The following DIP2B variants were observed in gnomAD, a reference collection of about 807,000 sequenced individuals.
DIP2B encodes disco-interacting protein 2 homolog B.
DIP2B carries 76 observed loss-of-function variants against 198.0 expected under a neutral mutation model. The observed-to-expected ratio is 0.38, with a 90% CI of 0.32 to 0.46. The LOEUF (loss-of-function observed/expected upper bound fraction) is 0.46. DIP2B is among the 20% of genes least tolerant of loss of function. DIP2B has a pLI of 0.99. For synonymous variants in DIP2B, 701 were observed against 739.1 expected (o/e 0.95, Z 0.84); for missense variants, 1,559 against 1,978.4 (o/e 0.79, Z 4.02).
intron 3 of DIP2B, among the ~76,000 whole-genome samples, chr12:50,647,973 G>C (rs372960754): frequency 6.6e-6 from 1 of 152,192 alleles, no homozygotes; most frequent in East Asian, 1.9e-4. Context: ...AGGCGTGGTG[G>C]CGTGCGCCTG....
chr12:50,704,016 A>G, intron 19 of DIP2B, 124 bp from the exon 20 acceptor site: 1 of 704,664 alleles, frequency 1.4e-6, no homozygotes, highest in South Asian at 1.7e-5. Context: ...AAAGGGATGG[A>G]ATTACTGGAT....
At position 50,505,328 on chromosome 12, in the gene DIP2B, C is replaced by T; in HGVS notation, c.100+88C>T. 5 of 1,141,388 alleles carry T rather than the reference C, an allele frequency of 4.4e-6. No homozygotes were observed. The South Asian group carries it at 6.8e-5, about 16-fold the overall frequency. The allele number at this position is 1,141,388 out of a possible 1,614,324, so 70.7% of individuals were successfully genotyped here. A position where few individuals can be genotyped will look rare whatever the true frequency, so the allele number is the denominator to read the frequency against. On this transcript the variant is annotated intron_variant, in intron 1 of 37. Transcript: ENST00000301180. ...GGTCCCCGCCGCGCGCTCTGGCGGC[C>T]GTGCGGCGAGGGGGACGAGGGTGTA...
chr12:50,742,394 CAAAAAAAAAAA>C lies in DIP2B; in HGVS notation c.4478+873_4478+883del, dbSNP rs59566626. Among the ~76,000 whole-genome samples the C allele has an allele frequency of 1.9e-4, 9 of 47,478 alleles. No homozygotes were observed. In the South Asian group the frequency reaches 4.0e-3, roughly 21 times the overall value. The allele number at this position is 47,478 out of a possible 152,430, so 31.1% of individuals were successfully genotyped here. On this transcript the variant is annotated intron_variant, in intron 37 of 37. Transcript: ENST00000301180. ...CCCTGGTGACAGACTGAGACTGTCT[CAAAAAAAAAAA>C]AAAAAAAAAAAAAAAAACCACCTCT...
chr12:50,689,646 A>G (rs1395443380), intron 12 of DIP2B, among the ~76,000 whole-genome samples: 1 of 152,212 alleles, frequency 6.6e-6, no homozygotes, highest in Non-Finnish European at 1.5e-5. Context: ...AGTGATGGAT[A>G]TATGAGTTTC....
chr12:50,527,696 C>T (rs1958179288), intron 1 of DIP2B, among the ~76,000 whole-genome samples: 1 of 152,006 alleles, frequency 6.6e-6, no homozygotes, highest in Non-Finnish European at 1.5e-5. Flanking sequence ...GGCGAAAGAG[C>T]AAGACCACAT....
At chr12:50,551,167 T>C (rs1044101392) in intron 1 of DIP2B, among the ~76,000 whole-genome samples, 3 of 152,086 alleles carry the variant, frequency 2.0e-5, no homozygotes, top group South Asian at 4.1e-4. Context: ...CTCATGTCTG[T>C]AGTCCCAGCA....
At chr12:50,666,500 A>C (rs1314562816) in intron 4 of DIP2B, among the ~76,000 whole-genome samples, 1 of 152,212 alleles carries the variant, frequency 6.6e-6, no homozygotes, top group Admixed American at 6.5e-5. Context: ...TTTTTAAAAA[A>C]TGTATACAGG....
intron 1 of DIP2B, among the ~76,000 whole-genome samples, chr12:50,609,143 A>G (rs1287114464): frequency 6.6e-6 from 1 of 152,204 alleles, no homozygotes; most frequent in African/African-American, 2.4e-5. Context: ...AAAAAAAATA[A>G]TAAAAAAAAA....
Position 50,721,260 on chromosome 12 carries a change from C to T in DIP2B, c.3043-13C>T, listed in dbSNP as rs764464675. 151 of 1,612,376 alleles carry T rather than the reference C, an allele frequency of 9.4e-5. No individual in the cohort carries two copies. Among genetic ancestry groups the T allele is most frequent in the Non-Finnish European group, 1.3e-4 (148 of 1,179,238 alleles). On this transcript the variant is annotated splice_polypyrimidine_tract_variant and intron_variant, in intron 25 of 37. Transcript: ENST00000301180. ...CTGAGCTTTGACCCGCTTATCCTTTCTGTTGTTTAAAGGGAACCACTGTAT... is the reference window on the plus strand; with the variant it reads ...CTGAGCTTTGACCCGCTTATCCTTTTTGTTGTTTAAAGGGAACCACTGTAT...
intron 1 of DIP2B, among the ~76,000 whole-genome samples, chr12:50,557,423 A>G (rs1005992389): frequency 3.9e-5 from 6 of 152,116 alleles, no homozygotes; most frequent in South Asian, 2.1e-4. Context: ...TGATCTCTCC[A>G]CTTTGGGGCG....
chr12:50,567,748 G>A (rs1036433724), intron 1 of DIP2B, among the ~76,000 whole-genome samples: 4 of 152,138 alleles, frequency 2.6e-5, no homozygotes, highest in South Asian at 2.1e-4. Context: ...GGCTGGTCTC[G>A]AACTCCTGAC....
chr12:50,541,253 G>A (rs1364753476), intron 1 of DIP2B, among the ~76,000 whole-genome samples: 2 of 152,052 alleles, frequency 1.3e-5, no homozygotes, highest in African/African-American at 4.8e-5. Flanking sequence ...GTCTTGAATT[G>A]TAGTGTTTCT....
intron 12 of DIP2B, among the ~76,000 whole-genome samples, chr12:50,687,931 G>A (rs1939159317): frequency 1.3e-5 from 2 of 151,886 alleles, no homozygotes; most frequent in African/African-American, 4.8e-5. Flanking sequence ...AGAGAGGCTG[G>A]GGTGGGACAC....
chr12:50,542,458 C>T (rs1958335395), intron 1 of DIP2B, among the ~76,000 whole-genome samples: 1 of 152,044 alleles, frequency 6.6e-6, no homozygotes, highest in South Asian at 2.1e-4. Flanking sequence ...CATCACTCTC[C>T]TGAAATCTCA....
At chr12:50,721,422 G>C (rs2139586674) in intron 26 of DIP2B, 26 bp downstream of exon 26, 1 of 1,613,090 alleles carries the variant, frequency 6.2e-7, no homozygotes, top group Non-Finnish European at 8.5e-7. Flanking sequence ...GCAGACTAGA[G>C]TTTAAGCTCC....
intron 1 of DIP2B, among the ~76,000 whole-genome samples, chr12:50,510,028 C>G (rs1251887146): frequency 2.6e-5 from 4 of 152,164 alleles, no homozygotes; most frequent in African/African-American, 9.7e-5. Flanking sequence ...GTGACACATT[C>G]CTTTGAAAAT....
rs1011729993 is a variant in DIP2B at position 50,671,865 on chromosome 12, G to A, written c.640+467G>A. Among the ~76,000 whole-genome samples, 3 of 152,228 alleles carry A rather than the reference G, an allele frequency of 2.0e-5. No individual in the cohort carries two copies. In the East Asian group the frequency reaches 5.8e-4, roughly 29 times the overall value. ...GACTGGATTTGTTGTCCTTGCTGCT[G>A]TGATATTGCTACACTGGAGTGTGCA... is the stretch of plus-strand genomic sequence containing the variant. On this transcript the variant is annotated intron_variant, in intron 5 of 37. Transcript: ENST00000301180.
intron 19 of DIP2B, among the ~76,000 whole-genome samples, chr12:50,703,732 A>G (rs1418874503): frequency 6.6e-6 from 1 of 152,242 alleles, no homozygotes; most frequent in Non-Finnish European, 1.5e-5. Flanking sequence ...TGGCAGAGCC[A>G]GAAATTGAAT....
intron 1 of DIP2B, among the ~76,000 whole-genome samples, chr12:50,581,355 A>G (rs1365744003): frequency 1.3e-5 from 2 of 149,442 alleles, no homozygotes; most frequent in Non-Finnish European, 2.9e-5. Context: ...GCTCTCAGAA[A>G]TAATATCCAC....
Sources: allele counts gnomAD v4.1 joint callset (sites outside exome capture counted in the v4.1 genomes callset), GRCh38; gene constraint gnomAD v4.1.1; transcripts MANE v1.5; gene names NCBI Gene and HGNC (gene_info 2026-07-23, HGNC 2026-07-21).